CS: variants seen among roughly 807,000 people sequenced by gnomAD.
CS encodes citrate synthase, mitochondrial.
A neutral mutation model predicts 61.4 loss-of-function variants in CS; 13 were observed. The ratio of observed to expected loss-of-function variants is 0.21; its 90% CI spans 0.14 to 0.34. The LOEUF (loss-of-function observed/expected upper bound fraction) is 0.34, where lower values mean the gene tolerates loss of function less well. Ranked by LOEUF, CS falls within the 10% of genes least tolerant of loss-of-function variation. CS has a pLI of 1.00. For missense variants in CS, 278 were observed against 573.4 expected, an observed-to-expected ratio of 0.48 and a Z score of 5.26; for synonymous variants, 159 against 215.2, an observed-to-expected ratio of 0.74 and a Z score of 2.29.
chr12:56,277,621 A>G (rs1872660530), intron 6 of CS, among the ~76,000 whole-genome samples: 1 of 151,378 alleles, frequency 6.6e-6, no homozygotes, highest in Non-Finnish European at 1.5e-5. Context: ...AATAACAAAG[A>G]CTTCCATTCT....
intron 6 of CS, among the ~76,000 whole-genome samples, chr12:56,281,124 G>A (rs1872766194): frequency 6.6e-6 from 1 of 152,046 alleles, no homozygotes; most frequent in Non-Finnish European, 1.5e-5. Context: ...GGCACCTCCT[G>A]GCCAAAAATC....
rs1872846665 is a variant in CS, at chr12:56,283,783, A to C, written c.267+9T>G. Reference sequence around the variant, plus strand: ...ATGATTATTAGTAATTGACATGAAGATGTCTTACCTCATCAGGATCAAGAA... The same window carrying C: ...ATGATTATTAGTAATTGACATGAAGCTGTCTTACCTCATCAGGATCAAGAA... On this transcript the variant is annotated intron_variant, in intron 4 of 10. Transcript: ENST00000351328. 1 of 1,602,922 alleles carries C rather than the reference A, an allele frequency of 6.2e-7. No homozygotes were observed. Among genetic ancestry groups the C allele is most frequent in the Non-Finnish European group, 8.5e-7 (1 of 1,170,312 alleles).
At chr12:56,297,460 T>A (rs1873340290) in intron 1 of CS, among the ~76,000 whole-genome samples, 1 of 152,198 alleles carries the variant, frequency 6.6e-6, no homozygotes, top group African/African-American at 2.4e-5. Context: ...AATAGAACAA[T>A]GACTAATTCA....
chr12:56,295,364 T>C (rs1264661525), intron 1 of CS, among the ~76,000 whole-genome samples: 2 of 150,506 alleles, frequency 1.3e-5, no homozygotes, highest in Non-Finnish European at 3.0e-5. Flanking sequence ...CTACTAAAAA[T>C]ACAAAAATTA....
At chr12:56,295,668 T>C (rs1169357252) in intron 1 of CS, among the ~76,000 whole-genome samples, 3 of 151,884 alleles carry the variant, frequency 2.0e-5, no homozygotes, top group Non-Finnish European at 4.4e-5. Context: ...TCGTAGAAGT[T>C]TTATGGCTGG....
At chr12:56,296,410 C>T (rs1266720050) in intron 1 of CS, among the ~76,000 whole-genome samples, 1 of 151,976 alleles carries the variant, frequency 6.6e-6, no homozygotes. Context: ...AAGCCATGTT[C>T]GCACCACTGC....
intron 1 of CS, 55 bp downstream of exon 1, chr12:56,300,105 T>A: frequency 1.3e-6 from 2 of 1,528,946 alleles, no homozygotes; most frequent in Non-Finnish European, 1.8e-6. Flanking sequence ...CCGGAGGGCC[T>A]GCGGTCGCCT....
chr12:56,288,031 T>G (rs548312369), intron 1 of CS, among the ~76,000 whole-genome samples: 40 of 152,252 alleles, frequency 2.6e-4, no homozygotes, highest in Middle Eastern at 3.4e-3. Flanking sequence ...GGAAATTAAT[T>G]TTTCTGTACT....
intron 6 of CS, among the ~76,000 whole-genome samples, chr12:56,281,010 C>A (rs1872763715): frequency 1.3e-5 from 2 of 152,216 alleles, no homozygotes; most frequent in African/African-American, 4.8e-5. Flanking sequence ...CCAACTAAAT[C>A]AATCTAGATT....
chr12:56,299,871 TCCCTTC>T (rs1258816573), intron 1 of CS: 5 of 374,168 alleles, frequency 1.3e-5, no homozygotes, highest in Admixed American at 9.4e-5. Context: ...GGGCCACGCA[TCCCTTC>T]CCCTTTCATT....
chr12:56,291,353 C>CA, intron 1 of CS: 1 of 688,142 alleles, frequency 1.5e-6, no homozygotes, highest in Non-Finnish European at 1.8e-6. Context: ...TTCTTTCTTT[C>CA]TTTTTTTTTT....
Position 56,272,013 on chromosome 12 carries a change from C to A in CS, c.*1071G>T. 1 of 420,302 alleles carries A rather than the reference C, an allele frequency of 2.4e-6. No individual in the cohort carries two copies. The highest frequency in any genetic ancestry group is 4.8e-6 in the Non-Finnish European group (1 of 208,612). The allele number at this position is 420,302 out of a possible 1,614,324, so 26.0% of individuals were successfully genotyped here. On this transcript the variant is annotated 3_prime_UTR_variant, in exon 11 of 11. Transcript: ENST00000351328. ...AAAAAGATGTTGATAAATAAGGAGG[C>A]AATTTCTTGAGGCAGGGGACGAGGA...
chr12:56,288,138 CATG>C (rs1319149570), intron 1 of CS, among the ~76,000 whole-genome samples: 4 of 152,124 alleles, frequency 2.6e-5, no homozygotes, highest in African/African-American at 9.7e-5. Flanking sequence ...AGAATAGTCC[CATG>C]ATAACTAAAT....
intron 6 of CS, among the ~76,000 whole-genome samples, chr12:56,280,426 A>AAAAAAAC (rs1565620555): frequency 1.2e-4 from 9 of 73,540 alleles, no homozygotes; most frequent in Non-Finnish European, 3.4e-4. Context: ...CAAAAAAAAC[A>AAAAAAAC]AAAAAAAAAA....
At chr12:56,289,779 G>A (rs1873058801) in intron 1 of CS, among the ~76,000 whole-genome samples, 1 of 152,104 alleles carries the variant, frequency 6.6e-6, no homozygotes, top group South Asian at 2.1e-4. Flanking sequence ...TATAGAGACG[G>A]GGGTCTTGCT....
Position 56,282,914 on chromosome 12 carries a change from C to T in CS, c.345G>A (p.Leu115=), listed in dbSNP as rs1872817767. Residue 115 remains leucine, a synonymous_variant, in exon 5 of 11, where the codon CTG becomes CTA. Coordinates refer to ENST00000351328, the MANE Select transcript of CS (RefSeq NM_004077.3). Reference sequence around the variant, plus strand: ...CCAGCAGCCAAAATAAGCCCTCAGGCAGGGGTTCTTCCCCACCCTTAGCCT... The same window carrying T: ...CCAGCAGCCAAAATAAGCCCTCAGGTAGGGGTTCTTCCCCACCCTTAGCCT... The part of the protein sequence containing the change: ...LPKAKGGEEP[L]PEGLFWLLVT... 1 of 1,614,172 alleles carries T rather than the reference C, an allele frequency of 6.2e-7. No individual in the cohort carries two copies. Among genetic ancestry groups the T allele is most frequent in the Middle Eastern group, 1.7e-4 (1 of 6,060 alleles).
At chr12:56,286,383 T>C in intron 2 of CS, 2 of 549,096 alleles carry the variant, frequency 3.6e-6, no homozygotes, top group Non-Finnish European at 3.2e-6. Flanking sequence ...ATTAGGCAAA[T>C]GTATTGATAT....
chr12:56,298,165 A>G (rs1400425032), intron 1 of CS, among the ~76,000 whole-genome samples: 2 of 151,954 alleles, frequency 1.3e-5, no homozygotes, highest in African/African-American at 4.8e-5. Context: ...TGTCTGGCTA[A>G]TTTTGTATTT....
rs771740616 is a variant in CS at position 56,285,996 on chromosome 12, T to C, written c.121A>G (p.Ile41Val). The change falls in exon 3 of 11, where the codon ATA becomes GTA. Residue 41 changes from isoleucine to valine, a missense_variant. By Grantham distance (29) the Ile-to-Val change is conservative. This residue lies in a region of CS where 55 missense variants were observed against 69.9 expected (regional missense o/e 0.79). Transcript: ENST00000351328. ...TTAATTCTGGCCTGCTCCTTAGGTA[T>C]CAGGTCAGCCAATATGTCTTTCAAA... ...TNLKDILADLIPKEQARIKTF... is the reference protein window; with the variant it reads ...TNLKDILADLVPKEQARIKTF... 11 of 1,613,858 alleles carry C rather than the reference T, an allele frequency of 6.8e-6. No homozygotes were observed. In the African/African-American group the frequency reaches 1.2e-4, roughly 18 times the overall value.
Sources: allele counts gnomAD v4.1 joint callset (sites outside exome capture counted in the v4.1 genomes callset), GRCh38; gene constraint gnomAD v4.1.1; regional missense constraint gnomAD v4.1.1; transcripts MANE v1.5; gene names NCBI Gene and HGNC (gene_info 2026-07-23, HGNC 2026-07-21).